Variants in GALNT13 observed in about 807,000 individuals in gnomAD.
GALNT13 encodes the protein polypeptide N-acetylgalactosaminyltransferase 13.
In GALNT13, 28 loss-of-function variants were observed where a neutral mutation model predicts 64.2. The ratio of observed to expected loss-of-function variants is 0.44; its 90% confidence interval spans 0.32 to 0.60. GALNT13 has a LOEUF of 0.60. Among genes scored for constraint, GALNT13 ranks in the 20% least tolerant of loss-of-function variants. GALNT13 has a pLI of 0.05. For missense variants in GALNT13, 577 were observed against 669.8 expected, an observed-to-expected ratio of 0.86 and a Z score of 1.53; for synonymous variants, 214 against 224.6, an observed-to-expected ratio of 0.95 and a Z score of 0.42.
intron 11 of GALNT13, among the ~76,000 whole-genome samples, chr2:154,432,370 T>C (rs569207671): frequency 3.9e-5 from 6 of 152,322 alleles, no homozygotes; most frequent in African/African-American, 1.4e-4. Context: ...GATTTTCCTG[T>C]GCAAAATTTG....
At chr2:153,250,763 A>T in the GALNT13 span, among the ~76,000 whole-genome samples, 3 of 152,154 alleles carry the variant, frequency 2.0e-5, no homozygotes, top group Admixed American at 6.6e-5. Context: ...CATCATTCTT[A>T]GCTAACTATC....
At chr2:153,802,435 G>A in the GALNT13 span, among the ~76,000 whole-genome samples, 1 of 152,166 alleles carries the variant, frequency 6.6e-6, no homozygotes, top group Non-Finnish European at 1.5e-5. Context: ...TTAGTCATAG[G>A]AGATGAATGA....
the GALNT13 span, among the ~76,000 whole-genome samples, chr2:153,598,984 C>T: frequency 6.6e-6 from 1 of 151,998 alleles, no homozygotes; most frequent in Non-Finnish European, 1.5e-5. Context: ...ATACCCATTT[C>T]CCTTCTAAAC....
At chr2:153,999,125 C>G (rs1695723346) in intron 3 of GALNT13, among the ~76,000 whole-genome samples, 1 of 152,204 alleles carries the variant, frequency 6.6e-6, no homozygotes, top group Admixed American at 6.6e-5. Context: ...AAGCTGGAGG[C>G]ATCATGCCAC....
the GALNT13 span, among the ~76,000 whole-genome samples, chr2:153,135,616 A>G: frequency 1.3e-5 from 2 of 152,060 alleles, no homozygotes; most frequent in Non-Finnish European, 2.9e-5. Context: ...GTTTTTCTTC[A>G]TGGGTAATTT....
the GALNT13 span, among the ~76,000 whole-genome samples, chr2:153,407,665 A>C: frequency 6.6e-6 from 1 of 152,164 alleles, no homozygotes; most frequent in Non-Finnish European, 1.5e-5. Context: ...TTCTTGCCTG[A>C]TCCTAGTCTG....
the GALNT13 span, among the ~76,000 whole-genome samples, chr2:153,304,477 G>A: frequency 6.6e-6 from 1 of 152,140 alleles, no homozygotes; most frequent in Non-Finnish European, 1.5e-5. Context: ...ATTGAAAATT[G>A]ATGCTTAAAC....
At chr2:153,226,682 A>G in the GALNT13 span, among the ~76,000 whole-genome samples, 4 of 152,306 alleles carry the variant, frequency 2.6e-5, no homozygotes, top group East Asian at 1.9e-4. Context: ...AAATCTGAGA[A>G]ACTGTTATAG....
the GALNT13 span, among the ~76,000 whole-genome samples, chr2:153,526,902 T>C: frequency 6.6e-6 from 1 of 152,042 alleles, no homozygotes; most frequent in African/African-American, 2.4e-5. Context: ...GCATTTGGTG[T>C]AATGAAGAAG....
At chr2:154,010,280 G>A (rs1297091232) in intron 3 of GALNT13, among the ~76,000 whole-genome samples, 1 of 152,108 alleles carries the variant, frequency 6.6e-6, no homozygotes, top group East Asian at 1.9e-4. Flanking sequence ...TGCCCAGTTT[G>A]TTGAGGGTTT....
At chr2:153,336,573 A>C in the GALNT13 span, among the ~76,000 whole-genome samples, 1 of 152,020 alleles carries the variant, frequency 6.6e-6, no homozygotes, top group Non-Finnish European at 1.5e-5. Flanking sequence ...GTATTTACCT[A>C]ATATCTGTAC....
chr2:153,678,587 C>G, the GALNT13 span, among the ~76,000 whole-genome samples: 624 of 151,964 alleles, frequency 4.1e-3, 3 homozygotes, highest in Non-Finnish European at 6.4e-3. Context: ...TGCTCGTTAC[C>G]TGGGTGACAA....
chr2:154,019,602 CCACACACA>C (rs67316542), intron 3 of GALNT13, among the ~76,000 whole-genome samples: 26,126 of 126,314 alleles, frequency 0.21, 2,853 homozygotes, highest in Middle Eastern at 0.32. Context: ...GAGTAAGACT[CCACACACA>C]CACACACACA....
At chr2:154,096,661 A>T (rs922456803) in intron 3 of GALNT13, among the ~76,000 whole-genome samples, 2 of 152,046 alleles carry the variant, frequency 1.3e-5, no homozygotes, top group Non-Finnish European at 2.9e-5. Context: ...TATAGTCCAG[A>T]TACTATTAAT....
chr2:153,244,758 C>T, the GALNT13 span, among the ~76,000 whole-genome samples: 1 of 152,180 alleles, frequency 6.6e-6, no homozygotes, highest in Non-Finnish European at 1.5e-5. Flanking sequence ...TGATCCTACA[C>T]CTGGAACCCC....
the GALNT13 span, among the ~76,000 whole-genome samples, chr2:153,766,783 A>T: frequency 6.6e-6 from 1 of 151,796 alleles, no homozygotes; most frequent in Non-Finnish European, 1.5e-5. Flanking sequence ...TTAATATTTT[A>T]TTATTTTTAC....
chr2:153,282,226 C>T, the GALNT13 span, among the ~76,000 whole-genome samples: 1 of 152,010 alleles, frequency 6.6e-6, no homozygotes, highest in Non-Finnish European at 1.5e-5. Flanking sequence ...TTTTCAATTC[C>T]AAATGCTCTG....
At chr2:154,049,680 C>T (rs961534045) in intron 3 of GALNT13, among the ~76,000 whole-genome samples, 5 of 151,526 alleles carry the variant, frequency 3.3e-5, no homozygotes, top group Non-Finnish European at 7.4e-5. Context: ...TGGGATTTTC[C>T]ACATACTTAA....
chr2:154,245,110 A>AATAC (rs1470345807), intron 6 of GALNT13, among the ~76,000 whole-genome samples: 6 of 110,682 alleles, frequency 5.4e-5, no homozygotes, highest in Admixed American at 3.2e-4. Flanking sequence ...TGTCAAAATA[A>AATAC]ATAAATAAAT....
Sources: gnomAD v4.1 joint callset for allele counts (sites outside exome capture counted in the v4.1 genomes callset) on GRCh38, gnomAD v4.1.1 for gene constraint, MANE v1.5 for transcripts, NCBI Gene and HGNC (gene_info 2026-07-23, HGNC 2026-07-21) for gene names.